The following FBXL17 variants were observed in gnomAD, a reference collection of about 807,000 sequenced individuals.
FBXL17 encodes the protein F-box/LRR-repeat protein 17.
A neutral mutation model predicts 66.2 loss-of-function variants in FBXL17; 22 were observed. That is an observed-to-expected ratio of 0.33 (90% CI 0.24 to 0.47). The LOEUF (loss-of-function observed/expected upper bound fraction) is 0.47. Among genes scored for constraint, FBXL17 ranks in the 20% least tolerant of loss-of-function variants. FBXL17 has a pLI of 1.00. For missense variants in FBXL17, 878 were observed against 948.2 expected, an observed-to-expected ratio of 0.93 and a Z score of 0.97; for synonymous variants, 474 against 400.5, an observed-to-expected ratio of 1.18 and a Z score of -2.19.
chr5:108,185,888 C>T (rs1165714254), intron 6 of FBXL17, among the ~76,000 whole-genome samples: 2 of 152,090 alleles, frequency 1.3e-5, no homozygotes, highest in Non-Finnish European at 2.9e-5. Flanking sequence ...ACTATTGTTA[C>T]AATTGTTGAG....
intron 6 of FBXL17, 26 bp from the exon 7 acceptor site, chr5:108,021,027 C>CTAAT (rs757863285): frequency 1.9e-5 from 30 of 1,560,208 alleles, no homozygotes; most frequent in Non-Finnish European, 2.4e-5. Context: ...AGTGGTTATA[C>CTAAT]TAATGCGTTT....
At chr5:107,973,354 A>ATTTTTTT (rs200079422) in intron 7 of FBXL17, among the ~76,000 whole-genome samples, 19 of 120,448 alleles carry the variant, frequency 1.6e-4, no homozygotes, top group East Asian at 4.6e-4. Context: ...TTTTTTTGTA[A>ATTTTTTT]TTTTTTTTTT....
intron 5 of FBXL17, among the ~76,000 whole-genome samples, chr5:108,218,061 A>G (rs1459064316): frequency 3.0e-5 from 4 of 131,550 alleles, no homozygotes; most frequent in African/African-American, 1.2e-4. Context: ...TCTGTCGCCT[A>G]GGCTGGAGTG....
rs1168484221 is a variant in FBXL17, at chr5:108,363,375, G to T, written c.1374+1363C>A. On this transcript the variant is annotated intron_variant, in intron 3 of 8. Coordinates refer to ENST00000542267, the MANE Select transcript of FBXL17 (RefSeq NM_001163315.3). ...CCCAGCTATAGCGGTCTTAAGTACA[G>T]AAAAATATTCTCTACACTGCAATGA... is the stretch of plus-strand genomic sequence containing the variant. Among the ~76,000 whole-genome samples, 14 of 151,904 alleles carry T rather than the reference G, an allele frequency of 9.2e-5. No homozygotes were observed. In the South Asian group the frequency reaches 2.9e-3, roughly 31 times the overall value.
At position 108,214,312 on chromosome 5, in the gene FBXL17, A is replaced by G. The variant is rs1754504216; in HGVS notation, c.1614+9809T>C. On this transcript the variant is annotated intron_variant, in intron 5 of 8. Coordinates refer to ENST00000542267, the MANE Select transcript of FBXL17 (RefSeq NM_001163315.3). ...GGAATTACTGTATATGTCAAAGAGT[A>G]GAATATTTTAATTTTCATAAAGTGT... Among the ~76,000 whole-genome samples, 3 of 152,060 alleles carry G rather than the reference A, an allele frequency of 2.0e-5. No homozygotes were observed. The South Asian group carries it at 6.2e-4, about 31-fold the overall frequency.
intron 7 of FBXL17, among the ~76,000 whole-genome samples, chr5:107,895,676 A>C (rs1400964845): frequency 6.6e-6 from 1 of 152,060 alleles, no homozygotes; most frequent in Non-Finnish European, 1.5e-5. Flanking sequence ...ATTGTAAATG[A>C]TTCTATGTTT....
chr5:108,081,188 T>A (rs1006554406), intron 6 of FBXL17, among the ~76,000 whole-genome samples: 4 of 152,100 alleles, frequency 2.6e-5, no homozygotes, highest in Non-Finnish European at 5.9e-5. Flanking sequence ...GTGTTAATGC[T>A]GGTCAGTTGT....
intron 7 of FBXL17, among the ~76,000 whole-genome samples, chr5:107,882,806 A>G (rs996535029): frequency 7.9e-5 from 12 of 152,210 alleles, no homozygotes; most frequent in African/African-American, 2.4e-4. Context: ...TGCTCAAACT[A>G]TGATTTCCAA....
At chr5:108,332,354 C>T (rs906961658) in intron 4 of FBXL17, among the ~76,000 whole-genome samples, 1 of 151,872 alleles carries the variant, frequency 6.6e-6, no homozygotes, top group East Asian at 1.9e-4. Context: ...TGCCAAGGTC[C>T]GTTTTGAAAA....
At chr5:108,362,740 A>T (rs918291955) in intron 3 of FBXL17, among the ~76,000 whole-genome samples, 3 of 152,136 alleles carry the variant, frequency 2.0e-5, no homozygotes, top group Non-Finnish European at 4.4e-5. Flanking sequence ...TTGAAATGCT[A>T]TAAGCAACTG....
At chr5:108,300,246 G>GA (rs1349966600) in intron 4 of FBXL17, among the ~76,000 whole-genome samples, 1 of 151,682 alleles carries the variant, frequency 6.6e-6, no homozygotes, top group Non-Finnish European at 1.5e-5. Flanking sequence ...TAGCATCGAG[G>GA]AAAAAAATAT....
intron 8 of FBXL17, among the ~76,000 whole-genome samples, chr5:107,864,455 A>G (rs2112479527): frequency 6.6e-6 from 1 of 152,294 alleles, no homozygotes; most frequent in Non-Finnish European, 1.5e-5. Flanking sequence ...CCTTAATAAC[A>G]TAGTCCAGGT....
At chr5:108,032,749 T>C (rs1221058832) in intron 6 of FBXL17, among the ~76,000 whole-genome samples, 1 of 152,180 alleles carries the variant, frequency 6.6e-6, no homozygotes, top group East Asian at 1.9e-4. Flanking sequence ...CCTTCACTAT[T>C]GTGAGAGAAA....
At chr5:107,900,650 T>TTAAA (rs1313838978) in intron 7 of FBXL17, among the ~76,000 whole-genome samples, 1 of 152,140 alleles carries the variant, frequency 6.6e-6, no homozygotes, top group Non-Finnish European at 1.5e-5. Flanking sequence ...TTTGTGTGCA[T>TTAAA]TAAATGCATT....
At chr5:107,871,543 G>A (rs1354975806) in intron 8 of FBXL17, among the ~76,000 whole-genome samples, 2 of 152,152 alleles carry the variant, frequency 1.3e-5, no homozygotes, top group African/African-American at 4.8e-5. Flanking sequence ...CCAAGTGCAT[G>A]CAAGCTCCAG....
At chr5:107,966,570 G>A (rs896494233) in intron 7 of FBXL17, among the ~76,000 whole-genome samples, 1 of 152,106 alleles carries the variant, frequency 6.6e-6, no homozygotes, top group African/African-American at 2.4e-5. Context: ...AGACCTTTCT[G>A]GGAGGTAAAC....
intron 6 of FBXL17, among the ~76,000 whole-genome samples, chr5:108,156,242 T>G (rs555471251): frequency 6.6e-6 from 1 of 152,110 alleles, no homozygotes. Context: ...TTTACTTTTT[T>G]GTGTCCAGCA....
At chr5:108,233,120 G>T (rs1321875726) in intron 4 of FBXL17, among the ~76,000 whole-genome samples, 10 of 151,904 alleles carry the variant, frequency 6.6e-5, no homozygotes, top group Admixed American at 6.6e-4. Flanking sequence ...GTCTTACTAA[G>T]TTGCAGGAGT....
rs138271574 is a variant in FBXL17 at position 107,972,746 on chromosome 5, A to G, written c.1822+48179T>C. On this transcript the variant is annotated intron_variant, in intron 7 of 8. Transcript: ENST00000542267. ...AACCAAACTCCTTTAATCTTTTCCC[A>G]TATGATCTATTTTACATCCCATAAA... Among the ~76,000 whole-genome samples the G allele has an allele frequency of 2.6e-3, 401 of 152,186 alleles. 4 individuals carry two copies. Among genetic ancestry groups the G allele is most frequent in the Middle Eastern group, 0.014 (4 of 292 alleles).
Sources: allele counts gnomAD v4.1 joint callset (sites outside exome capture counted in the v4.1 genomes callset), GRCh38; gene constraint gnomAD v4.1.1; transcripts MANE v1.5; gene names NCBI Gene and HGNC (gene_info 2026-07-23, HGNC 2026-07-21).